ADAM2: variants seen among roughly 807,000 people sequenced by gnomAD.
ADAM2 encodes the protein disintegrin and metalloproteinase domain-containing protein 2.
A neutral mutation model predicts 99.3 loss-of-function variants in ADAM2; 101 were observed. That is an observed-to-expected ratio of 1.02 (90% CI 0.87 to 1.20). ADAM2 has a LOEUF of 1.20. Among genes scored for constraint, ADAM2 ranks in the 50% most tolerant of loss-of-function variants. ADAM2 has a pLI of 0.00. For missense variants in ADAM2, 948 were observed against 878.7 expected, an observed-to-expected ratio of 1.08 and a Z score of -1.00; for synonymous variants, 323 against 287.6, an observed-to-expected ratio of 1.12 and a Z score of -1.25.
chr8:39,833,751 G>A (rs574449142), intron 3 of ADAM2, among the ~76,000 whole-genome samples, 193 bp downstream of exon 3: 1 of 152,168 alleles, frequency 6.6e-6, no homozygotes, highest in East Asian at 1.9e-4. Flanking sequence ...GGAACAAGAA[G>A]GAGGGGCACA....
chr8:39,746,805 T>C (rs931384556), intron 18 of ADAM2, among the ~76,000 whole-genome samples, 174 bp from the exon 19 acceptor site: 21 of 152,228 alleles, frequency 1.4e-4, no homozygotes, highest in African/African-American at 5.1e-4. Flanking sequence ...AAAGTGACTC[T>C]TGTAACTCTT....
chr8:39,819,948 T>C (rs1224369541), intron 6 of ADAM2, among the ~76,000 whole-genome samples: 1 of 152,090 alleles, frequency 6.6e-6, no homozygotes, highest in African/African-American at 2.4e-5. Flanking sequence ...GCGGACATCT[T>C]CTGAATTGGT....
chr8:39,745,768 A>G (rs748495631), intron 19 of ADAM2, among the ~76,000 whole-genome samples: 1 of 152,076 alleles, frequency 6.6e-6, no homozygotes, highest in Non-Finnish European at 1.5e-5. Flanking sequence ...AAATAGCATA[A>G]AAATTCACTA....
In ADAM2 at chr8:39,824,928, G is replaced by T. The variant is rs541527624; in HGVS notation, c.189-31C>A. ...ACATAAAGATAAAATGGAAAAATTT[G>T]ATTCTTAACCTTTTGTTTTGAAACA... On this transcript the variant is annotated intron_variant, in intron 3 of 20. Transcript: ENST00000265708. The T allele has an allele frequency of 1.7e-5, 17 of 971,694 alleles. No individual in the cohort carries two copies. In the South Asian group the frequency reaches 2.2e-4, roughly 13 times the overall value. 60.2% of individuals were successfully genotyped at this position (971,694 alleles called of 1,614,324 possible).
chr8:39,795,020 GTTTTGTGTTATACTTTATCT>G, intron 7 of ADAM2, among the ~76,000 whole-genome samples: 1 of 151,936 alleles, frequency 6.6e-6, no homozygotes, highest in South Asian at 2.1e-4. Context: ...GAATAGCTTT[GTTTTGTGTTATACTTTATCT>G]ACTAAAAAAA....
chr8:39,799,336 C>G (rs1338196711), intron 7 of ADAM2, among the ~76,000 whole-genome samples: 1 of 152,102 alleles, frequency 6.6e-6, no homozygotes, highest in East Asian at 1.9e-4. Context: ...ATTTCCATGA[C>G]ATTGTGTGGT....
intron 11 of ADAM2, 111 bp downstream of exon 11, chr8:39,776,914 C>T (rs1362091976): frequency 1.5e-6 from 1 of 674,470 alleles, no homozygotes; most frequent in Non-Finnish European, 2.5e-6. Flanking sequence ...TCCTGGAGTC[C>T]TCAGTCACAG....
At chr8:39,812,146 G>C (rs987462394) in intron 6 of ADAM2, among the ~76,000 whole-genome samples, 1 of 152,128 alleles carries the variant, frequency 6.6e-6, no homozygotes, top group East Asian at 1.9e-4. Flanking sequence ...CAAACAGAGA[G>C]CCAAATCATG....
chr8:39,804,450 T>C (rs1375480453), intron 7 of ADAM2, among the ~76,000 whole-genome samples: 1 of 152,044 alleles, frequency 6.6e-6, no homozygotes, highest in African/African-American at 2.4e-5. Context: ...TGGCATAAAA[T>C]ATTAAAGTCT....
intron 14 of ADAM2, among the ~76,000 whole-genome samples, chr8:39,762,168 G>C (rs1415389164): frequency 1.3e-5 from 2 of 152,188 alleles, no homozygotes; most frequent in Non-Finnish European, 2.9e-5. Flanking sequence ...GATGGACTCG[G>C]TCAAAAATCT....
At chr8:39,788,011 C>T in intron 9 of ADAM2, 74 bp downstream of exon 9, 2 of 1,010,954 alleles carry the variant, frequency 2.0e-6, no homozygotes, top group Non-Finnish European at 2.7e-6. Flanking sequence ...ACACATTTAT[C>T]AACAGTAAGA....
At chr8:39,803,892 T>C (rs1287668616) in intron 7 of ADAM2, among the ~76,000 whole-genome samples, 3 of 152,212 alleles carry the variant, frequency 2.0e-5, no homozygotes, top group African/African-American at 4.8e-5. Context: ...GGGAGAATAC[T>C]TATTTGCTGA....
At chr8:39,777,290 T>C in intron 10 of ADAM2, 129 bp from the exon 11 acceptor site, 1 of 636,006 alleles carries the variant, frequency 1.6e-6, no homozygotes, top group Non-Finnish European at 2.7e-6. Flanking sequence ...GCCATCCTTG[T>C]TGGTCTAACT....
Position 39,824,840 on chromosome 8 carries a change from T to A in ADAM2, c.246A>T (p.Lys82Asn), listed in dbSNP as rs374763046. The A allele has an allele frequency of 1.6e-4, 259 of 1,574,472 alleles. No individual in the cohort carries two copies. Among genetic ancestry groups the A allele is most frequent in the Non-Finnish European group, 2.2e-4 (249 of 1,150,262 alleles). ...VYSYSGTGIM[K>N]PLDQDFQNFC... ...ATACCTGAAAATCTTGGTCAAGTGGTTTCATAATTCCTGTGCCACTATAAC... is the reference window on the plus strand; with the variant it reads ...ATACCTGAAAATCTTGGTCAAGTGGATTCATAATTCCTGTGCCACTATAAC... Residue 82 changes from lysine to asparagine, a missense_variant, in exon 4 of 21, where the codon AAA (lysine) becomes AAT (asparagine). Lys to Asn is a moderately conservative substitution (Grantham distance 94). Coordinates refer to ENST00000265708, the MANE Select transcript of ADAM2 (RefSeq NM_001464.5).
intron 11 of ADAM2, among the ~76,000 whole-genome samples, chr8:39,775,220 G>T (rs1387431973): frequency 1.3e-5 from 2 of 152,098 alleles, no homozygotes; most frequent in Non-Finnish European, 2.9e-5. Flanking sequence ...CTAGGAAAAA[G>T]GCTGGTTGAC....
intron 7 of ADAM2, among the ~76,000 whole-genome samples, chr8:39,796,377 C>G (rs1396058361): frequency 2.0e-5 from 3 of 152,068 alleles, no homozygotes; most frequent in South Asian, 2.1e-4. Context: ...AATCTCGTTC[C>G]TTTTTTAGGT....
At chr8:39,821,800 G>A in intron 4 of ADAM2, 138 bp from the exon 5 acceptor site, 2 of 611,154 alleles carry the variant, frequency 3.3e-6, no homozygotes, top group Non-Finnish European at 2.8e-6. Context: ...AATGTTATTA[G>A]ATGAGCATAT....
At chr8:39,788,974 A>G (rs1189197379) in intron 7 of ADAM2, among the ~76,000 whole-genome samples, 2 of 151,530 alleles carry the variant, frequency 1.3e-5, no homozygotes, top group African/African-American at 4.8e-5. Context: ...AAGTTTAAAC[A>G]TTATAAAAAG....
chr8:39,749,589 G>GTA, intron 17 of ADAM2, 78 bp downstream of exon 17: 1 of 1,355,134 alleles, frequency 7.4e-7, no homozygotes, highest in Non-Finnish European at 1.0e-6. Flanking sequence ...GTGTGTGCGT[G>GTA]TGTGTGTGTG....
Sources: allele counts gnomAD v4.1 joint callset (sites outside exome capture counted in the v4.1 genomes callset), GRCh38; gene constraint gnomAD v4.1.1; transcripts MANE v1.5; gene names NCBI Gene and HGNC (gene_info 2026-07-23, HGNC 2026-07-21).